The following METTL8 variants were observed in gnomAD, a reference collection of about 807,000 sequenced individuals.
METTL8 encodes the protein tRNA N(3)-cytidine methyltransferase METTL8, mitochondrial.
In METTL8, 32 loss-of-function variants were observed where a neutral mutation model predicts 48.7. The observed-to-expected ratio is 0.66, with a 90% CI of 0.50 to 0.88. METTL8 has a LOEUF of 0.88. Ranked by LOEUF, METTL8 falls within the 40% of genes least tolerant of loss-of-function variation. The pLI is 0.00. For synonymous variants in METTL8, 136 were observed against 157.1 expected (o/e 0.87, Z 1.01); for missense variants, 464 against 474.4 (o/e 0.98, Z 0.20).
intron 9 of METTL8, 39 bp from the exon 10 acceptor site, chr2:171,324,401 A>G: frequency 6.6e-7 from 1 of 1,524,660 alleles, no homozygotes; most frequent in Non-Finnish European, 8.9e-7. Flanking sequence ...ATGACATGTG[A>G]CTAGAGATGG....
At chr2:171,398,382 G>C (rs183045256) in intron 1 of METTL8, among the ~76,000 whole-genome samples, 3 of 152,256 alleles carry the variant, frequency 2.0e-5, no homozygotes, top group African/African-American at 7.2e-5. Flanking sequence ...AAGATATTAT[G>C]CTAAGTGAAA....
At chr2:171,332,646 A>G (rs950715641) in intron 5 of METTL8, 2 of 152,242 alleles carry the variant, frequency 1.3e-5, no homozygotes, top group Non-Finnish European at 2.9e-5. Context: ...GTTGCTTAGT[A>G]CCATGTCTGA....
intron 3 of METTL8, among the ~76,000 whole-genome samples, chr2:171,346,026 T>G (rs1473190791): frequency 2.6e-5 from 4 of 151,428 alleles, no homozygotes; most frequent in Non-Finnish European, 4.4e-5. Context: ...CTATAGTTTT[T>G]TTGTTTTTGT....
chr2:171,417,996 C>A (rs1439649379), intron 1 of METTL8, among the ~76,000 whole-genome samples: 1 of 151,914 alleles, frequency 6.6e-6, no homozygotes, highest in Non-Finnish European at 1.5e-5. Context: ...CAGGCTGGAG[C>A]GCAGTGGCGC....
At position 171,353,023 on chromosome 2, in the gene METTL8, T is replaced by C. The variant is rs370131402; in HGVS notation, c.235+7399A>G. 1.9e-4 allele frequency among the ~76,000 whole-genome samples: 29 copies of C among 152,334 alleles called. No homozygotes were observed. In the East Asian group the frequency reaches 5.0e-3, roughly 26 times the overall value. On this transcript the variant is annotated intron_variant, in intron 3 of 9. Coordinates refer to ENST00000375258, the MANE Select transcript of METTL8 (RefSeq NM_001321154.2). ...TGCCTTCTGCTAGCTTTTGAATGTG[T>C]TTGCTCTTGCTTCTCTAGTTCTTTT...
chr2:171,331,959 C>G lies in METTL8; in HGVS notation c.657-92G>C. The stretch of plus-strand genomic sequence containing the variant: ...GGAGTGTAGTAACGTGACCATAGCT[C>G]ACTATAACCTTGAGCTCCTGGACTC... On this transcript the variant is annotated intron_variant, in intron 5 of 9. Transcript: ENST00000375258. 3.4e-6 allele frequency: 3 copies of G among 876,904 alleles called. No homozygotes were observed. In the Admixed American group the frequency reaches 6.5e-5, roughly 19 times the overall value. The allele number at this position is 876,904 out of a possible 1,614,324, so 54.3% of individuals were successfully genotyped here. A position where few individuals can be genotyped will look rare whatever the true frequency, so the allele number is the denominator to read the frequency against.
Position 171,392,115 on chromosome 2 carries a change from C to A in METTL8, c.71G>T (p.Gly24Val), listed in dbSNP as rs1372341203. 1.9e-6 allele frequency: 3 copies of A among 1,551,542 alleles called. No individual in the cohort carries two copies. The Admixed American group carries it at 5.9e-5, about 30-fold the overall frequency. Reference protein sequence around the residue: ...LGKVPHRYQSGYHPVAPLGSR... With the variant: ...LGKVPHRYQSVYHPVAPLGSR... ...TCCCAGAGGGGCCACTGGGTGGTAACCACTTTGGTATCTGTGTGGCACCTT... is the reference window on the plus strand; with the variant it reads ...TCCCAGAGGGGCCACTGGGTGGTAAACACTTTGGTATCTGTGTGGCACCTT... Residue 24 changes from glycine (G) to valine (V), a missense_variant, in exon 2 of 10, where the codon GGT becomes GTT. Transcript: ENST00000375258.
intron 5 of METTL8, among the ~76,000 whole-genome samples, chr2:171,334,231 A>G (rs1409180827): frequency 6.6e-6 from 1 of 152,258 alleles, no homozygotes; most frequent in Non-Finnish European, 1.5e-5. Flanking sequence ...GATATAGAAC[A>G]GTCTACGAGC....
At position 171,317,681 on chromosome 2, in the gene METTL8, CCA is replaced by C. The variant is rs1037830152; in HGVS notation, c.*6489_*6490del. The C allele has an allele frequency of 6.1e-4, 93 of 152,310 alleles. No homozygotes were observed. The highest frequency in any genetic ancestry group is 1.9e-3 in the African/African-American group (79 of 41,556). 9.4% of individuals were successfully genotyped at this position (152,310 alleles called of 1,614,324 possible). ...TACTTAAGGTTAAGTGGTTGTGAAA[CCA>C]CAGACACTGTAGAATCAGAAGCTGT... On this transcript the variant is annotated 3_prime_UTR_variant, in exon 10 of 10. Coordinates refer to ENST00000375258, the MANE Select transcript of METTL8 (RefSeq NM_001321154.2).
At chr2:171,341,556 T>C (rs539997872) in intron 3 of METTL8, among the ~76,000 whole-genome samples, 444 of 135,764 alleles carry the variant, frequency 3.3e-3, no homozygotes, top group African/African-American at 0.013. Context: ...TTTTTTTCCC[T>C]TTTTTTTTTT....
At chr2:171,430,439 G>C (rs1386771542) in intron 1 of METTL8, among the ~76,000 whole-genome samples, 1 of 152,108 alleles carries the variant, frequency 6.6e-6, no homozygotes, top group Non-Finnish European at 1.5e-5. Context: ...TAATGTAGGT[G>C]ACGGGTTGAT....
chr2:171,431,516 G>C (rs1693015030), intron 1 of METTL8, among the ~76,000 whole-genome samples: 1 of 152,192 alleles, frequency 6.6e-6, no homozygotes, highest in Non-Finnish European at 1.5e-5. Context: ...TGAGCTAAGA[G>C]CAAAAATCCT....
chr2:171,347,288 GCTT>G (rs1683373837), intron 3 of METTL8, among the ~76,000 whole-genome samples: 1 of 152,146 alleles, frequency 6.6e-6, no homozygotes, highest in South Asian at 2.1e-4. Context: ...TGCCTTTCCT[GCTT>G]CTACAGAGAG....
intron 2 of METTL8, among the ~76,000 whole-genome samples, chr2:171,387,211 A>T (rs1271404157): frequency 6.6e-6 from 1 of 152,126 alleles, no homozygotes; most frequent in Non-Finnish European, 1.5e-5. Flanking sequence ...ACCCTGTAAC[A>T]CGCGCTCACT....
chr2:171,422,165 G>T (rs889106429), intron 1 of METTL8, among the ~76,000 whole-genome samples: 17 of 152,130 alleles, frequency 1.1e-4, no homozygotes, highest in African/African-American at 4.1e-4. Context: ...AGAAAACAGA[G>T]CACAGAAATA....
chr2:171,432,392 A>T (rs988201710), intron 1 of METTL8, among the ~76,000 whole-genome samples: 13 of 152,036 alleles, frequency 8.6e-5, no homozygotes, highest in Non-Finnish European at 1.5e-4. Flanking sequence ...ATCCAGGATG[A>T]CTCTCCCTTG....
At chr2:171,420,631 C>T (rs959826657) in intron 1 of METTL8, among the ~76,000 whole-genome samples, 3 of 152,128 alleles carry the variant, frequency 2.0e-5, no homozygotes. Context: ...CGCAAAAGTC[C>T]AGAGCTGAAT....
chr2:171,377,805 T>C (rs989923827), intron 2 of METTL8, among the ~76,000 whole-genome samples: 3 of 152,184 alleles, frequency 2.0e-5, no homozygotes, highest in Non-Finnish European at 2.9e-5. Flanking sequence ...ACAATCACTA[T>C]GGAAAACAGT....
intron 7 of METTL8, 32 bp from the exon 8 acceptor site, chr2:171,326,180 G>T: frequency 8.3e-7 from 1 of 1,198,980 alleles, no homozygotes; most frequent in Non-Finnish European, 1.2e-6. Context: ...AAGATACCCA[G>T]TTTGTAGAAA....
Sources: allele counts gnomAD v4.1 joint callset (sites outside exome capture counted in the v4.1 genomes callset), GRCh38; gene constraint gnomAD v4.1.1; transcripts MANE v1.5; gene names NCBI Gene and HGNC (gene_info 2026-07-23, HGNC 2026-07-21).